Variants in EML1 observed in about 807,000 individuals in gnomAD.
EML1 encodes EMAP like 1.
In EML1, 27 loss-of-function variants were observed where a neutral mutation model predicts 110.4. The observed-to-expected ratio is 0.24, with a 90% CI of 0.18 to 0.34. The LOEUF (loss-of-function observed/expected upper bound fraction) is 0.34, where lower values mean the gene tolerates loss of function less well. Among genes scored for constraint, EML1 ranks in the 10% least tolerant of loss-of-function variants. The pLI, the probability that EML1 is intolerant of heterozygous loss-of-function variation, is 1.00. For missense variants in EML1, 741 were observed against 1,030.9 expected, an observed-to-expected ratio of 0.72 and a Z score of 3.85; for synonymous variants, 344 against 385.8, an observed-to-expected ratio of 0.89 and a Z score of 1.27.
intron 1 of EML1, among the ~76,000 whole-genome samples, chr14:99,813,129 G>A (rs529672810): frequency 2.0e-5 from 3 of 152,248 alleles, no homozygotes; most frequent in African/African-American, 7.2e-5. Context: ...TTGCCAAGCA[G>A]AAGGATTATG....
intron 1 of EML1, among the ~76,000 whole-genome samples, chr14:99,785,850 G>A (rs759759808): frequency 2.0e-5 from 3 of 152,196 alleles, no homozygotes; most frequent in South Asian, 2.1e-4. Context: ...TTTTAGTTAG[G>A]CAGGTATTTC....
intron 1 of EML1, among the ~76,000 whole-genome samples, chr14:99,786,826 T>C (rs7152866): frequency 0.39 from 58,979 of 151,992 alleles, 11,853 homozygotes; most frequent in African/African-American, 0.45. Flanking sequence ...AGCACCTCTT[T>C]GGGTAAGTTA....
chr14:99,802,933 T>C (rs1459528563), intron 1 of EML1, among the ~76,000 whole-genome samples: 3 of 152,076 alleles, frequency 2.0e-5, no homozygotes, highest in Non-Finnish European at 2.9e-5. Context: ...CCTCCCACTT[T>C]AGCACCCAGG....
intron 17 of EML1, among the ~76,000 whole-genome samples, chr14:99,935,820 C>T (rs2060460667): frequency 6.6e-6 from 1 of 150,636 alleles, no homozygotes; most frequent in South Asian, 2.1e-4. Context: ...AAACCTTTAC[C>T]AGGTTTTATC....
At chr14:99,780,080 G>C (rs1204722981) in intron 1 of EML1, among the ~76,000 whole-genome samples, 2 of 152,022 alleles carry the variant, frequency 1.3e-5, no homozygotes, top group East Asian at 3.9e-4. Flanking sequence ...TTCTTGCTGT[G>C]TCCTCACATG....
In EML1 at chr14:99,762,515, C is replaced by T. The variant is rs76931104; in HGVS notation, c.28+24655C>T. Among the ~76,000 whole-genome samples the T allele has an allele frequency of 1.3e-3, 195 of 152,232 alleles. 3 individuals carry two copies. In the East Asian group the frequency reaches 0.031, roughly 24 times the overall value. On this transcript the variant is annotated intron_variant, in intron 1 of 10. Coordinates refer to the EML1 transcript ENST00000554479. ...AAATACCAAATGTTGATAAAGATAT[C>T]GACTGGGTGCAGTGACTCATGCCTA...
At chr14:99,882,288 G>A (rs2059398233) in intron 4 of EML1, among the ~76,000 whole-genome samples, 1 of 152,134 alleles carries the variant, frequency 6.6e-6, no homozygotes, top group Non-Finnish European at 1.5e-5. Flanking sequence ...AATTAAAAAA[G>A]TATTTTATAC....
In EML1 at chr14:99,937,807, CTT is replaced by C; in HGVS notation, c.2096-6_2096-5del. 1 of 1,613,386 alleles carries C rather than the reference CTT, an allele frequency of 6.2e-7. No individual in the cohort carries two copies. The highest frequency in any genetic ancestry group is 8.5e-7 in the Non-Finnish European group (1 of 1,179,486). ...GGCTTAGATGTTGCCAGACTGTTTG[CTT>C]TTTGCAGGGGTTCCCTCTGCCTGTA... On this transcript the variant is annotated splice_polypyrimidine_tract_variant and splice_region_variant and intron_variant, in intron 19 of 21. Transcript: ENST00000262233.
chr14:99,773,146 T>C (rs75215841), exon 1 of EML1: 2,885 of 152,358 alleles, frequency 0.019, 87 homozygotes, highest in African/African-American at 0.066. Context: ...TCACAGACTT[T>C]CACACTTCCC....
rs566422170 is a variant in EML1 at position 99,827,321 on chromosome 14, C to T, written c.68-23532C>T. On this transcript the variant is annotated intron_variant, in intron 1 of 21. Coordinates refer to ENST00000262233, the MANE Select transcript of EML1 (RefSeq NM_004434.3). This position sits in a 1 kb window ranked among gnomAD's most constrained non-coding sequence, Gnocchi z 4.4. ...AGAAACTAGCGTAACTGGACCTTGC[C>T]GGTTTTGAGTATCGTGAGTACCCTG... Among the ~76,000 whole-genome samples, 198 of 151,728 alleles carry T rather than the reference C, an allele frequency of 1.3e-3. No homozygotes were observed. Among genetic ancestry groups the T allele is most frequent in the African/African-American group, 4.5e-3 (187 of 41,372 alleles).
At chr14:99,758,009 A>G (rs1367855330) in intron 1 of EML1, among the ~76,000 whole-genome samples, 1 of 152,238 alleles carries the variant, frequency 6.6e-6, no homozygotes, top group East Asian at 1.9e-4. Context: ...GGTGCCTGGC[A>G]TATGGCAGGT....
chr14:99,780,811 C>T (rs2057531875), intron 1 of EML1, among the ~76,000 whole-genome samples: 1 of 152,172 alleles, frequency 6.6e-6, no homozygotes, highest in African/African-American at 2.4e-5. Flanking sequence ...TGCAGGTTTG[C>T]AGCCTAGGAG....
chr14:99,890,460 C>T (rs192250990), intron 4 of EML1, among the ~76,000 whole-genome samples: 5 of 152,192 alleles, frequency 3.3e-5, no homozygotes, highest in East Asian at 3.8e-4. Context: ...TCTGCAGTGG[C>T]GGCCGCCTCT....
upstream of EML1, among the ~76,000 whole-genome samples, chr14:99,792,122 C>A (rs529963706): frequency 1.6e-4 from 25 of 152,314 alleles, no homozygotes; most frequent in African/African-American, 6.0e-4. Flanking sequence ...CCGTGCCGCA[C>A]GCAGAGTGAC....
intron 1 of EML1, among the ~76,000 whole-genome samples, chr14:99,786,622 G>A (rs1027644875): frequency 2.0e-5 from 3 of 152,218 alleles, no homozygotes; most frequent in African/African-American, 7.2e-5. Flanking sequence ...CACAGCACTG[G>A]CCAAAGTTCA....
intron 1 of EML1, among the ~76,000 whole-genome samples, chr14:99,764,328 G>C (rs1478802247): frequency 1.3e-5 from 2 of 152,222 alleles, no homozygotes; most frequent in East Asian, 3.8e-4. Context: ...GTGCGGCTCA[G>C]AGAGGCTAAG....
chr14:99,817,025 C>A (rs1168270350), intron 1 of EML1, among the ~76,000 whole-genome samples: 1 of 152,198 alleles, frequency 6.6e-6, no homozygotes, highest in African/African-American at 2.4e-5. Flanking sequence ...CCCCCAATGT[C>A]ATCAAAACAG....
chr14:99,881,364 A>G (rs1056445021), intron 4 of EML1, among the ~76,000 whole-genome samples: 48 of 152,338 alleles, frequency 3.2e-4, no homozygotes, highest in African/African-American at 1.1e-3. Flanking sequence ...CACATATGGC[A>G]CTTAGGCGCA....
At chr14:99,881,552 A>T (rs940384810) in intron 4 of EML1, among the ~76,000 whole-genome samples, 13 of 151,688 alleles carry the variant, frequency 8.6e-5, no homozygotes, top group African/African-American at 3.1e-4. Context: ...GAGATACTTT[A>T]TTTTAAAGTA....
Sources: allele counts gnomAD v4.1 joint callset (sites outside exome capture counted in the v4.1 genomes callset), GRCh38; gene constraint gnomAD v4.1.1; non-coding constraint Gnocchi (gnomAD v3.1); transcripts MANE v1.5; gene names NCBI Gene and HGNC (gene_info 2026-07-23, HGNC 2026-07-21).